Variants in ALDH1L2 observed in about 807,000 individuals in gnomAD.
ALDH1L2 encodes the protein aldehyde dehydrogenase 1 family member L2, also known as mitochondrial 10-formyltetrahydrofolate dehydrogenase.
In ALDH1L2, 91 loss-of-function variants were observed where a neutral mutation model predicts 111.0. That is an observed-to-expected ratio of 0.82 (90% CI 0.69 to 0.98). ALDH1L2 has a LOEUF of 0.98. Ranked by LOEUF, ALDH1L2 falls within the 50% of genes least tolerant of loss-of-function variation. The probability of loss-of-function intolerance (pLI) is 0.00; values close to 1 mark genes in which losing one functional copy is unlikely to be tolerated. For missense variants in ALDH1L2, 995 were observed against 1,126.8 expected (o/e 0.88, Z 1.67); for synonymous variants, 374 against 392.6 (o/e 0.95, Z 0.56).
intron 18 of ALDH1L2, among the ~76,000 whole-genome samples, chr12:105,036,595 A>G (rs1875167317): frequency 8.1e-6 from 1 of 122,750 alleles, no homozygotes; most frequent in Admixed American, 9.6e-5. Context: ...GCAGTGGCTC[A>G]CACCTGTTAT....
At chr12:105,024,518 G>C (rs1565946649) in intron 22 of ALDH1L2, 39 bp from the exon 23 acceptor site, 2 of 1,593,548 alleles carry the variant, frequency 1.3e-6, no homozygotes, top group South Asian at 1.1e-5. Context: ...CACATTCAGA[G>C]GCAGACATGT....
intron 19 of ALDH1L2, among the ~76,000 whole-genome samples, chr12:105,033,851 C>T (rs767770012): frequency 2.0e-5 from 3 of 152,134 alleles, no homozygotes; most frequent in East Asian, 1.9e-4. Flanking sequence ...AATCTAGGAG[C>T]GTAACTCTCA....
chr12:105,073,696 C>T lies in ALDH1L2; in HGVS notation c.193+165G>A, dbSNP rs192714500. On this transcript the variant is annotated intron_variant, in intron 2 of 22. Coordinates refer to ENST00000258494, the MANE Select transcript of ALDH1L2 (RefSeq NM_001034173.4). ...CAAGTGGGAGTAATATGGATTATGC[C>T]CTTAATAAAAAGCTTTTCCCTGATT... 898 of 935,260 alleles carry T rather than the reference C, an allele frequency of 9.6e-4. 9 individuals are homozygous for T. The African/African-American group carries it at 0.014, about 14-fold the overall frequency. 57.9% of individuals were successfully genotyped at this position (935,260 alleles called of 1,614,324 possible).
At chr12:105,059,945 A>G (rs1041071985) in intron 9 of ALDH1L2, among the ~76,000 whole-genome samples, 5 of 152,200 alleles carry the variant, frequency 3.3e-5, no homozygotes, top group Non-Finnish European at 5.9e-5. Context: ...GGTGAGCTCC[A>G]GCTGTCTTGT....
chr12:105,039,669 A>G (rs764376516), intron 17 of ALDH1L2, 44 bp downstream of exon 17: 1 of 1,550,742 alleles, frequency 6.4e-7, no homozygotes. Flanking sequence ...ATTGAAACCT[A>G]GTTTAACAGG....
chr12:105,045,496 C>T (rs1396160123), intron 15 of ALDH1L2, among the ~76,000 whole-genome samples: 1 of 151,580 alleles, frequency 6.6e-6, no homozygotes, highest in Non-Finnish European at 1.5e-5. Context: ...CATAATGAAA[C>T]TACATATTCA....
At chr12:105,058,263 G>A in intron 9 of ALDH1L2, 43 bp from the exon 10 acceptor site, 1 of 1,556,816 alleles carries the variant, frequency 6.4e-7, no homozygotes, top group Non-Finnish European at 8.6e-7. Context: ...ATTTTTAAAA[G>A]GGGTTAGGAA....
intron 2 of ALDH1L2, among the ~76,000 whole-genome samples, chr12:105,071,614 G>GCATATATATATATATATATATATA (rs56056622): frequency 4.0e-5 from 1 of 25,262 alleles, no homozygotes; most frequent in Non-Finnish European, 6.5e-5. Flanking sequence ...TATATAAGTA[G>GCATATATATATATATATATATATA]TATATATATA....
chr12:105,052,418 A>G (rs911297869), intron 11 of ALDH1L2, among the ~76,000 whole-genome samples: 1 of 152,214 alleles, frequency 6.6e-6, no homozygotes, highest in South Asian at 2.1e-4. Flanking sequence ...AGTACTTCTC[A>G]TATCATACTA....
At position 105,019,964 on chromosome 12, in the gene ALDH1L2, A is replaced by G. The variant is rs1019514737; in HGVS notation, c.*4460T>C. The G allele has an allele frequency of 1.3e-5, 2 of 152,232 alleles. No homozygotes were observed. Among genetic ancestry groups the G allele is most frequent in the Non-Finnish European group, 2.9e-5 (2 of 68,056 alleles). The allele number at this position is 152,232 out of a possible 1,614,324, so 9.4% of individuals were successfully genotyped here. On this transcript the variant is annotated 3_prime_UTR_variant, in exon 23 of 23. Transcript: ENST00000258494. Reference sequence around the variant, plus strand: ...TGTAGGCTATTTCTGTTTGAAAATAACCAAATAGATTTTTGGGTTGACTCA... The same window carrying G: ...TGTAGGCTATTTCTGTTTGAAAATAGCCAAATAGATTTTTGGGTTGACTCA...
chr12:105,058,316 T>A (rs1292673413), intron 9 of ALDH1L2, 96 bp from the exon 10 acceptor site: 8 of 1,254,584 alleles, frequency 6.4e-6, no homozygotes, highest in Non-Finnish European at 8.7e-6. Context: ...GAGGTAAGAC[T>A]TACATCACAT....
intron 6 of ALDH1L2, among the ~76,000 whole-genome samples, chr12:105,064,758 A>T (rs1877242037): frequency 6.6e-6 from 1 of 151,992 alleles, no homozygotes; most frequent in Admixed American, 6.5e-5. Flanking sequence ...TGAGTCAATT[A>T]CCCATGGATA....
At chr12:105,049,744 C>G (rs1367848570) in intron 13 of ALDH1L2, 164 bp downstream of exon 13, 4 of 709,166 alleles carry the variant, frequency 5.6e-6, no homozygotes, top group Non-Finnish European at 2.1e-6. Context: ...TTATAAATTA[C>G]CTAGTCTCAG....
intron 1 of ALDH1L2, among the ~76,000 whole-genome samples, chr12:105,079,126 A>G (rs1010503934): frequency 1.3e-5 from 2 of 152,192 alleles, no homozygotes; most frequent in Non-Finnish European, 2.9e-5. Context: ...CCGGGTAGAC[A>G]CACCTCTTGT....
chr12:105,038,150 G>T lies in ALDH1L2; in HGVS notation c.2098C>A (p.Pro700Thr). ...KVSLELGGKSPLIIFNDCELD... is the reference protein window; with the variant it reads ...KVSLELGGKSTLIIFNDCELD... The stretch of plus-strand genomic sequence containing the variant: ...TCACAGTCATTAAATATTATAAGTG[G>T]AGACTTGCCACCAAGCTCAAGGGAA... Residue 700 changes from proline (P) to threonine (T), a missense_variant, in exon 18 of 23, where the codon CCA (proline) becomes ACA (threonine). Pro to Thr is a conservative substitution (Grantham distance 38). Coordinates refer to ENST00000258494, the MANE Select transcript of ALDH1L2 (RefSeq NM_001034173.4). 1 of 1,613,670 alleles carries T rather than the reference G, an allele frequency of 6.2e-7. No homozygotes were observed. The highest frequency in any genetic ancestry group is 8.5e-7 in the Non-Finnish European group (1 of 1,179,822).
intron 7 of ALDH1L2, 126 bp from the exon 8 acceptor site, chr12:105,061,878 A>G: frequency 8.9e-7 from 1 of 1,118,392 alleles, no homozygotes; most frequent in Non-Finnish European, 1.3e-6. Context: ...AATACAGATT[A>G]AAAGCATTCA....
At chr12:105,038,074 C>T (rs1341690127) in intron 18 of ALDH1L2, 29 bp downstream of exon 18, 1 of 1,593,406 alleles carries the variant, frequency 6.3e-7, no homozygotes, top group Admixed American at 1.7e-5. Flanking sequence ...GCCCAGGCAC[C>T]TATTTACTTA....
chr12:105,043,299 G>C (rs372439465), intron 15 of ALDH1L2, among the ~76,000 whole-genome samples: 52 of 152,242 alleles, frequency 3.4e-4, no homozygotes, highest in African/African-American at 1.2e-3. Flanking sequence ...GCTTGTCTTT[G>C]TAAAATGTAC....
At chr12:105,056,952 A>G (rs1876665774) in intron 10 of ALDH1L2, among the ~76,000 whole-genome samples, 2 of 151,668 alleles carry the variant, frequency 1.3e-5, no homozygotes, top group South Asian at 4.2e-4. Flanking sequence ...TGTGTGTCAA[A>G]GGACACTCAA....
Sources: gnomAD v4.1 joint callset for allele counts (sites outside exome capture counted in the v4.1 genomes callset) on GRCh38, gnomAD v4.1.1 for gene constraint, MANE v1.5 for transcripts, NCBI Gene and HGNC (gene_info 2026-07-23, HGNC 2026-07-21) for gene names.